Variants in EBF4 observed in about 807,000 individuals in gnomAD.
EBF4 encodes the protein EBF transcription factor 4.
A neutral mutation model predicts 67.1 loss-of-function variants in EBF4; 34 were observed. That is an observed-to-expected ratio of 0.51 (90% confidence interval 0.39 to 0.67). The LOEUF (loss-of-function observed/expected upper bound fraction) is 0.67, where lower values mean the gene tolerates loss of function less well. Among genes scored for constraint, EBF4 ranks in the 30% least tolerant of loss-of-function variants. The probability of loss-of-function intolerance (pLI) is 0.00; values close to 1 mark genes in which losing one functional copy is unlikely to be tolerated. For synonymous variants in EBF4, 387 were observed against 377.7 expected (o/e 1.02, Z -0.29); for missense variants, 837 against 873.3 (o/e 0.96, Z 0.52).
chr20:2,746,163 T>C lies in EBF4; in HGVS notation c.558-2386T>C, dbSNP rs183350314. Among the ~76,000 whole-genome samples, 2 of 152,208 alleles carry C rather than the reference T, an allele frequency of 1.3e-5. 1 individual carries two copies. Among genetic ancestry groups the C allele is most frequent in the East Asian group, 3.9e-4 (2 of 5,182 alleles). On this transcript the variant is annotated intron_variant, in intron 6 of 16. Transcript: ENST00000609451. ...ATGTGGGTGTAGTGTGTTTACACCATGGGGTGTCATAAGGGGTGTAGGGAG... is the reference window on the plus strand; with the variant it reads ...ATGTGGGTGTAGTGTGTTTACACCACGGGGTGTCATAAGGGGTGTAGGGAG...
At chr20:2,697,401 C>T (rs928885641) in intron 1 of EBF4, among the ~76,000 whole-genome samples, 22 of 149,762 alleles carry the variant, frequency 1.5e-4, no homozygotes, top group Admixed American at 8.0e-4. Flanking sequence ...AAAAATTAGC[C>T]GGGCGTGGTG....
intron 6 of EBF4, among the ~76,000 whole-genome samples, chr20:2,719,636 C>T (rs1356575279): frequency 1.3e-5 from 2 of 152,130 alleles, no homozygotes; most frequent in African/African-American, 4.8e-5. Flanking sequence ...AACTACAGGG[C>T]TCAAGCAATC....
rs1568591944 is a variant in EBF4, at chr20:2,758,937, TCA to T, written c.1769_1770del (p.His590LeufsTer56). The T allele has an allele frequency of 6.4e-7, 1 of 1,551,124 alleles. No homozygotes were observed. Among genetic ancestry groups the T allele is most frequent in the African/African-American group, 1.4e-5 (1 of 72,956 alleles). On this transcript the variant is annotated frameshift_variant, in exon 16 of 17. Coordinates refer to ENST00000609451, the Ensembl canonical transcript of EBF4. LOFTEE classifies it high-confidence loss of function. ...AGTCTTTTGAGGATTCTGACAAGTTTCACTCTCCAGCCCGGGGGCTTCAGGGC... is the reference window on the plus strand; with the variant it reads ...AGTCTTTTGAGGATTCTGACAAGTTTCTCTCCAGCCCGGGGGCTTCAGGGC...
intron 1 of EBF4, among the ~76,000 whole-genome samples, chr20:2,695,850 T>C (rs2087281509): frequency 6.6e-6 from 1 of 151,932 alleles, no homozygotes; most frequent in African/African-American, 2.4e-5. Flanking sequence ...CCCAAAAGAC[T>C]CCCTGGGATC....
intron 6 of EBF4, among the ~76,000 whole-genome samples, chr20:2,737,113 G>C (rs926501084): frequency 2.0e-5 from 3 of 150,624 alleles, no homozygotes; most frequent in Admixed American, 1.4e-4. Flanking sequence ...AGCCGGGCGT[G>C]GTGGCGGGCG....
chr20:2,742,598 G>A (rs111283531), intron 6 of EBF4, among the ~76,000 whole-genome samples: 1,849 of 152,274 alleles, frequency 0.012, 46 homozygotes, highest in African/African-American at 0.041. Context: ...GCCACAGTGG[G>A]ATGGCACTGG....
chr20:2,744,617 G>A (rs540567970), intron 6 of EBF4, among the ~76,000 whole-genome samples: 2 of 149,080 alleles, frequency 1.3e-5, no homozygotes, highest in Admixed American at 6.8e-5. Flanking sequence ...TCAGCCACCT[G>A]AGTAGCTGGG....
At chr20:2,732,900 A>G (rs2087833730) in intron 6 of EBF4, among the ~76,000 whole-genome samples, 1 of 152,160 alleles carries the variant, frequency 6.6e-6, no homozygotes, top group African/African-American at 2.4e-5. Flanking sequence ...CTTTTAAATT[A>G]GATAGGAAAA....
intron 6 of EBF4, among the ~76,000 whole-genome samples, chr20:2,726,819 A>G (rs2087752658): frequency 6.6e-6 from 1 of 152,140 alleles, no homozygotes; most frequent in South Asian, 2.1e-4. Flanking sequence ...TTCCATCTTC[A>G]CATTCATGAG....
chr20:2,752,537 C>T (rs1393977847), exon 14 of EBF4: 1 of 1,249,210 alleles, frequency 8.0e-7, no homozygotes, highest in African/African-American at 1.6e-5. Flanking sequence ...GCCACCTCGC[C>T]CTTCGCCAGT....
At chr20:2,692,980 G>C (rs1211339655), upstream of EBF4, 2 of 113,022 alleles carry the variant, frequency 1.8e-5, no homozygotes, top group Non-Finnish European at 3.6e-5. The surrounding 1 kb of genome is among the most constrained non-coding windows in gnomAD (Gnocchi z 6.4). Context: ...CGGCAGGGCC[G>C]GGACGCCGGG....
intron 6 of EBF4, among the ~76,000 whole-genome samples, chr20:2,722,771 A>ATGTTT (rs931063245): frequency 2.7e-4 from 41 of 152,172 alleles, no homozygotes; most frequent in East Asian, 2.3e-3. Flanking sequence ...TTCATCTGGT[A>ATGTTT]TGTTTTGTTT....
chr20:2,752,252 G>T, exon 13 of EBF4: 2 of 1,275,528 alleles, frequency 1.6e-6, no homozygotes, highest in Non-Finnish European at 2.0e-6. Context: ...GCCACCCCGG[G>T]GCCCGAGCCG....
chr20:2,738,606 C>G (rs894623415), intron 6 of EBF4, among the ~76,000 whole-genome samples: 1 of 152,122 alleles, frequency 6.6e-6, no homozygotes, highest in African/African-American at 2.4e-5. Context: ...TTCCTCCTCT[C>G]CCCTCAGGCC....
intron 6 of EBF4, among the ~76,000 whole-genome samples, chr20:2,737,964 C>CA (rs5839970): frequency 0.012 from 1,571 of 131,702 alleles, 14 homozygotes; most frequent in South Asian, 0.028. Flanking sequence ...GACTCCATTT[C>CA]AAAAAAAAAA....
intron 6 of EBF4, among the ~76,000 whole-genome samples, chr20:2,717,003 A>G (rs761808714): frequency 2.0e-5 from 3 of 152,200 alleles, no homozygotes; most frequent in Admixed American, 6.5e-5. Flanking sequence ...CTCCTCTTAG[A>G]GTTTTAAGCA....
chr20:2,707,986 T>A lies in EBF4; in HGVS notation c.454T>A (p.Cys152Ser). The A allele has an allele frequency of 6.2e-7, 1 of 1,608,934 alleles. No individual in the cohort carries two copies. The highest frequency in any genetic ancestry group is 1.1e-5 in the South Asian group (1 of 90,174). ...GGGGCAGGACAAGAACCCCGAAATG[T>A]GCCGAGTGCTGCTCACCCATGAGAT... is the stretch of plus-strand genomic sequence containing the variant. Residue 152 changes from cysteine (C) to serine (S), a missense_variant, in exon 5 of 17, where the codon TGC (cysteine) becomes AGC (serine). Cys to Ser is a moderately radical substitution (Grantham distance 112). Around this residue, in one of 3 missense-constraint regions of EBF4, gnomAD observed 226 missense variants for 306.5 expected, o/e 0.74. Transcript: ENST00000609451. The surrounding 1 kb of genome is among the most constrained non-coding windows in gnomAD (Gnocchi z 4.6).
chr20:2,758,947 G>T, exon 16 of EBF4: 1 of 1,551,796 alleles, frequency 6.4e-7, no homozygotes. Flanking sequence ...TCACTCTCCA[G>T]CCCGGGGGCT....
At chr20:2,733,630 A>G (rs938782248) in intron 6 of EBF4, among the ~76,000 whole-genome samples, 2 of 151,766 alleles carry the variant, frequency 1.3e-5, no homozygotes, top group African/African-American at 4.8e-5. Flanking sequence ...TCTGCTTCTG[A>G]GCTAGATAAT....
Sources: gnomAD v4.1 joint callset for allele counts (sites outside exome capture counted in the v4.1 genomes callset) on GRCh38, gnomAD v4.1.1 for gene constraint, gnomAD v4.1.1 regional missense constraint, Gnocchi (gnomAD v3.1) non-coding constraint, MANE v1.5 for transcripts, NCBI Gene and HGNC (gene_info 2026-07-23, HGNC 2026-07-21) for gene names.